The following TBCK variants were observed in gnomAD, a reference collection of about 807,000 sequenced individuals.
TBCK encodes the protein TBC domain-containing protein kinase-like protein.
Under a neutral mutation model 113.4 loss-of-function variants are expected in TBCK, and 99 were observed. The observed-to-expected ratio is 0.87, with a 90% CI of 0.74 to 1.03. The LOEUF is 1.03. Ranked by LOEUF, TBCK falls within the 50% of genes least tolerant of loss-of-function variation. TBCK has a pLI of 0.00. For synonymous variants in TBCK, 369 were observed against 370.8 expected, an observed-to-expected ratio of 1.00 and a Z score of 0.05; for missense variants, 1,045 against 1,061.3, an observed-to-expected ratio of 0.98 and a Z score of 0.21.
intron 2 of TBCK, among the ~76,000 whole-genome samples, chr4:106,303,776 T>G (rs1767206660): frequency 6.6e-6 from 1 of 152,146 alleles, no homozygotes; most frequent in South Asian, 2.1e-4. Context: ...CACTACCCCT[T>G]CTTTTTTGCC....
At chr4:106,201,615 G>C (rs1033949555) in intron 20 of TBCK, among the ~76,000 whole-genome samples, 2 of 151,940 alleles carry the variant, frequency 1.3e-5, no homozygotes, top group Non-Finnish European at 2.9e-5. Context: ...AGCATTTCAT[G>C]AGATCCTTCC....
intron 23 of TBCK, among the ~76,000 whole-genome samples, chr4:106,124,258 T>C (rs1216973566): frequency 6.6e-6 from 1 of 152,142 alleles, no homozygotes; most frequent in African/African-American, 2.4e-5. Flanking sequence ...AATTGCTCAT[T>C]ATCACTGGCC....
chr4:106,106,707 C>T (rs1004152346), intron 24 of TBCK, among the ~76,000 whole-genome samples: 6 of 152,100 alleles, frequency 3.9e-5, no homozygotes, highest in African/African-American at 7.2e-5. Flanking sequence ...CACAGACCGA[C>T]GTCACTGTAA....
chr4:106,316,637 T>C (rs1768919744), upstream of TBCK: 1 of 1,543,628 alleles, frequency 6.5e-7, no homozygotes, highest in Non-Finnish European at 8.8e-7. Flanking sequence ...GGATCGCCGA[T>C]TGCGATCGTA....
chr4:106,076,321 A>G (rs925305600), intron 25 of TBCK, among the ~76,000 whole-genome samples: 5 of 152,240 alleles, frequency 3.3e-5, no homozygotes, highest in South Asian at 4.1e-4. Flanking sequence ...GTGATTTTAC[A>G]TAGTGTATCT....
At chr4:106,288,065 T>C (rs916918658) in intron 3 of TBCK, among the ~76,000 whole-genome samples, 4 of 150,162 alleles carry the variant, frequency 2.7e-5, no homozygotes, top group Admixed American at 6.6e-5. Context: ...CTATGAGGGA[T>C]TGAGAACTCA....
chr4:106,075,500 A>G (rs577770939), intron 25 of TBCK, among the ~76,000 whole-genome samples: 11 of 152,364 alleles, frequency 7.2e-5, no homozygotes, highest in African/African-American at 2.6e-4. Flanking sequence ...AGCAATAAAT[A>G]ATCTGAATAG....
intron 3 of TBCK, among the ~76,000 whole-genome samples, chr4:106,267,040 T>C (rs1763056489): frequency 6.6e-6 from 1 of 151,956 alleles, no homozygotes; most frequent in Non-Finnish European, 1.5e-5. Flanking sequence ...ACAATGGGAC[T>C]TTATCCTACA....
chr4:106,245,243 G>T (rs1760666415), intron 10 of TBCK, among the ~76,000 whole-genome samples: 1 of 152,190 alleles, frequency 6.6e-6, no homozygotes, highest in Non-Finnish European at 1.5e-5. Context: ...GGTTCTCACA[G>T]TAAATATTGG....
chr4:106,307,413 C>T (rs1422429280), intron 2 of TBCK, among the ~76,000 whole-genome samples: 7 of 151,908 alleles, frequency 4.6e-5, no homozygotes, highest in East Asian at 1.9e-4. Context: ...TAAATTTTAA[C>T]GATTAATAAT....
At chr4:106,185,509 T>C (rs1752914092) in intron 22 of TBCK, among the ~76,000 whole-genome samples, 1 of 152,092 alleles carries the variant, frequency 6.6e-6, no homozygotes, top group African/African-American at 2.4e-5. Context: ...ATCATTCTAT[T>C]TCTGCTTCTA....
chr4:106,196,554 T>C (rs1328629329), intron 20 of TBCK, among the ~76,000 whole-genome samples: 2 of 151,974 alleles, frequency 1.3e-5, no homozygotes, highest in African/African-American at 4.8e-5. Flanking sequence ...ATAAGTATAT[T>C]AAAATCTAAG....
At chr4:106,194,477 G>GAAGGC (rs1451522716) in intron 21 of TBCK, among the ~76,000 whole-genome samples, 1 of 151,544 alleles carries the variant, frequency 6.6e-6, no homozygotes, top group Non-Finnish European at 1.5e-5. Flanking sequence ...TTTCAAAGGG[G>GAAGGC]GGCAGAGTTT....
At chr4:106,173,186 T>G (rs1368046722) in intron 22 of TBCK, among the ~76,000 whole-genome samples, 2 of 152,146 alleles carry the variant, frequency 1.3e-5, no homozygotes, top group African/African-American at 4.8e-5. Flanking sequence ...GGCCTATTTA[T>G]TTGGGCAATG....
chr4:106,316,260 C>A, upstream of TBCK: 1 of 338,870 alleles, frequency 3.0e-6, no homozygotes, highest in Non-Finnish European at 5.5e-6. Flanking sequence ...CACCGCGACC[C>A]AACGCTGAGG....
At chr4:106,169,032 T>TA (rs918706395) in intron 23 of TBCK, among the ~76,000 whole-genome samples, 2 of 152,004 alleles carry the variant, frequency 1.3e-5, no homozygotes, top group African/African-American at 4.8e-5. Context: ...AATCAGTAAG[T>TA]ATAATGCAAA....
chr4:106,189,287 G>A (rs1753386561), intron 22 of TBCK, among the ~76,000 whole-genome samples: 1 of 148,950 alleles, frequency 6.7e-6, no homozygotes, highest in Non-Finnish European at 1.5e-5. Context: ...GACATGCAGT[G>A]AGCCAAAATT....
At chr4:106,121,966 T>A (rs1201545643) in intron 23 of TBCK, among the ~76,000 whole-genome samples, 1 of 151,916 alleles carries the variant, frequency 6.6e-6, no homozygotes, top group Non-Finnish European at 1.5e-5. Context: ...TTAAAAGAAC[T>A]AGAAAAGCAA....
At chr4:106,249,513 C>T (rs999431750) in intron 7 of TBCK, among the ~76,000 whole-genome samples, 1 of 152,166 alleles carries the variant, frequency 6.6e-6, no homozygotes, top group Non-Finnish European at 1.5e-5. Context: ...AACCAATCCT[C>T]TTCAAGAACT....
Sources: gnomAD v4.1 joint callset for allele counts (sites outside exome capture counted in the v4.1 genomes callset) on GRCh38, gnomAD v4.1.1 for gene constraint, MANE v1.5 for transcripts, NCBI Gene and HGNC (gene_info 2026-07-23, HGNC 2026-07-21) for gene names.